The following KLHL12 variants were observed in gnomAD, a reference collection of about 807,000 sequenced individuals.
The protein encoded by KLHL12 is kelch like family member 12.
KLHL12 carries 17 observed loss-of-function variants against 60.8 expected under a neutral mutation model. The ratio of observed to expected loss-of-function variants is 0.28; its 90% confidence interval spans 0.19 to 0.42. KLHL12 has a LOEUF of 0.42. Ranked by LOEUF, KLHL12 falls within the 10% of genes least tolerant of loss-of-function variation. The pLI is 1.00. For synonymous variants in KLHL12, 220 were observed against 250.9 expected (o/e 0.88, Z 1.16); for missense variants, 468 against 722.3 (o/e 0.65, Z 4.04).
Position 202,925,086 on chromosome 1 carries a change from A to T in KLHL12, c.77T>A (p.Leu26His), listed in dbSNP as rs774946172. The T allele has an allele frequency of 2.5e-6, 4 of 1,614,114 alleles. No individual in the cohort carries two copies. In the South Asian group the frequency reaches 4.4e-5, roughly 18 times the overall value. The change falls in exon 2 of 12, where the codon CTC becomes CAC. Residue 26 changes from leucine to histidine, a missense_variant. By Grantham distance (99) the Leu-to-His change is moderately conservative. Around this residue, in one of 4 missense-constraint regions of KLHL12, gnomAD observed 61 missense variants for 59.9 expected, o/e 1.02. Transcript: ENST00000367261. The stretch of plus-strand genomic sequence containing the variant: ...ATCACAGAGGGTATTGCTCTTCCTG[A>T]GGGAGTTCATTGAATTGAGGATGGA... ...AKSILNSMNS[L>H]RKSNTLCDVT...
At chr1:202,916,681 A>T (rs1660531306) in intron 4 of KLHL12, among the ~76,000 whole-genome samples, 2 of 152,192 alleles carry the variant, frequency 1.3e-5, no homozygotes, top group African/African-American at 4.8e-5. Flanking sequence ...AACAAAATAA[A>T]TCAGGAGAGA....
chr1:202,904,519 T>TA lies in KLHL12; in HGVS notation c.832+4490dup, dbSNP rs572532606. 5.3e-5 allele frequency among the ~76,000 whole-genome samples: 8 copies of TA among 152,098 alleles called. No individual in the cohort carries two copies. In the East Asian group the frequency reaches 5.8e-4, roughly 11 times the overall value. The stretch of plus-strand genomic sequence containing the variant: ...CAATACTCAAACAATCTGACTCGTG[T>TA]AAAAAAAAGCTAGTGAAAGAGTCAA... On this transcript the variant is annotated intron_variant, in intron 6 of 11. Coordinates refer to ENST00000367261, the MANE Select transcript of KLHL12 (RefSeq NM_021633.4).
chr1:202,928,274 C>CAAAA (rs368999167), upstream of KLHL12, among the ~76,000 whole-genome samples: 2 of 123,866 alleles, frequency 1.6e-5, no homozygotes, highest in Non-Finnish European at 3.2e-5. Flanking sequence ...GACTCCGTCT[C>CAAAA]AAAAAAAAAA....
chr1:202,924,698 T>G (rs534996243), intron 2 of KLHL12, among the ~76,000 whole-genome samples: 39 of 152,358 alleles, frequency 2.6e-4, no homozygotes, highest in African/African-American at 6.7e-4. Context: ...TTACTACATA[T>G]TACACTATTC....
In KLHL12 at chr1:202,911,038, G is replaced by C; in HGVS notation, c.717+16C>G. On this transcript the variant is annotated intron_variant, in intron 5 of 11. Transcript: ENST00000367261. ...TCCGTCAAGGTTTTGGATCCTGAGA[G>C]TGTTGCACTACTTACCTCAGCATCT... is the stretch of plus-strand genomic sequence containing the variant. 2 of 1,613,240 alleles carry C rather than the reference G, an allele frequency of 1.2e-6. No individual in the cohort carries two copies. The highest frequency in any genetic ancestry group is 2.2e-5 in the South Asian group (2 of 91,012).
At chr1:202,920,980 ACCTAGTT>A (rs767472065) in intron 2 of KLHL12, among the ~76,000 whole-genome samples, 45 of 152,188 alleles carry the variant, frequency 3.0e-4, no homozygotes, top group Middle Eastern at 3.4e-3. Flanking sequence ...CTCCAGGACT[ACCTAGTT>A]CCTATCATCT....
chr1:202,893,330 T>C lies in KLHL12; in HGVS notation c.1489A>G (p.Thr497Ala). 1 of 1,613,884 alleles carries C rather than the reference T, an allele frequency of 6.2e-7. No homozygotes were observed. Among genetic ancestry groups the C allele is most frequent in the Non-Finnish European group, 8.5e-7 (1 of 1,179,936 alleles). Residue 497 changes from threonine (T) to alanine (A), a missense_variant, in exon 11 of 12, where the codon ACT becomes GCT. By Grantham distance (58) the Thr-to-Ala change is moderately conservative. Around this residue, in one of 4 missense-constraint regions of KLHL12, gnomAD observed 68 missense variants for 119.8 expected, o/e 0.57. Transcript: ENST00000367261. This position sits in a 1 kb window ranked among gnomAD's most constrained non-coding sequence, Gnocchi z 4.1. ...LSSVEAYNIR[T>A]DSWTTVTSMT... ...CTGGTGACAGTTGTCCAGGAATCAG[T>C]GCGAATGTTGTATGCTTCAACGGAA...
intron 6 of KLHL12, among the ~76,000 whole-genome samples, chr1:202,905,838 T>G (rs1422491664): frequency 6.6e-6 from 1 of 151,912 alleles, no homozygotes; most frequent in Non-Finnish European, 1.5e-5. Context: ...AGAGTCTCAC[T>G]CTGTCGCCCA....
intron 1 of KLHL12, among the ~76,000 whole-genome samples, chr1:202,926,866 G>A (rs1431929129): frequency 6.6e-6 from 1 of 152,196 alleles, no homozygotes; most frequent in East Asian, 1.9e-4. Flanking sequence ...CCAGGCATAT[G>A]GCCGCCACCG....
intron 4 of KLHL12, among the ~76,000 whole-genome samples, chr1:202,917,414 T>C (rs1311134932): frequency 1.3e-5 from 2 of 148,708 alleles, no homozygotes. Context: ...GGTTTTGCCA[T>C]GTTGCCCAGG....
At position 202,927,224 on chromosome 1, in the gene KLHL12, C is replaced by G. The variant is rs990092606; in HGVS notation, c.-181G>C. Reference sequence around the variant, plus strand: ...CCGGAGGCTCTGGAGGCTCTGGAGCCGTCCGGGTCTGGCCCCTGCGGCCGC... The same window carrying G: ...CCGGAGGCTCTGGAGGCTCTGGAGCGGTCCGGGTCTGGCCCCTGCGGCCGC... On this transcript the variant is annotated 5_prime_UTR_variant, in exon 1 of 12. Transcript: ENST00000367261. 3 of 985,086 alleles carry G rather than the reference C, an allele frequency of 3.0e-6. No homozygotes were observed. Among genetic ancestry groups the G allele is most frequent in the African/African-American group, 3.5e-5 (2 of 57,172 alleles). 61.0% of individuals were successfully genotyped at this position (985,086 alleles called of 1,614,324 possible).
In KLHL12 at chr1:202,893,303, T is replaced by C; in HGVS notation, c.1516A>G (p.Met506Val). The change falls in exon 11 of 12, where the codon ATG becomes GTG. Residue 506 changes from methionine to valine, a missense_variant. Physicochemically the swap from Met to Val is conservative, Grantham distance 21. This residue lies in a region of KLHL12 where 68 missense variants were observed against 119.8 expected (regional missense o/e 0.57). Transcript: ENST00000367261. The surrounding 1 kb of genome is among the most constrained non-coding windows in gnomAD (Gnocchi z 4.1). ...CCTACATAGCATCGTGGAGTGGTCA[T>C]ACTGGTGACAGTTGTCCAGGAATCA... ...RTDSWTTVTS[M>V]TTPRCYVGAT... 6.2e-7 allele frequency: 1 copy of C among 1,613,540 alleles called. No individual in the cohort carries two copies. The highest frequency in any genetic ancestry group is 8.5e-7 in the Non-Finnish European group (1 of 1,179,950).
intron 6 of KLHL12, among the ~76,000 whole-genome samples, chr1:202,904,165 C>T (rs555172853): frequency 1.3e-5 from 2 of 151,854 alleles, no homozygotes; most frequent in African/African-American, 4.8e-5. Flanking sequence ...CCACCAAGCC[C>T]GGCTAATTTT....
chr1:202,907,475 G>A (rs1374138813), intron 6 of KLHL12, among the ~76,000 whole-genome samples: 3 of 151,596 alleles, frequency 2.0e-5, no homozygotes, highest in African/African-American at 7.3e-5. Flanking sequence ...GGTGGCAGTC[G>A]CCTGTTGTCC....
At chr1:202,925,248 C>A in intron 1 of KLHL12, 41 bp from the exon 2 acceptor site, 2 of 1,573,564 alleles carry the variant, frequency 1.3e-6, no homozygotes, top group Non-Finnish European at 8.6e-7. Flanking sequence ...ATTCAAAGAA[C>A]TAGGGCAACT....
chr1:202,911,191 C>T lies in KLHL12; in HGVS notation c.580G>A (p.Glu194Lys). 1 of 1,614,102 alleles carries T rather than the reference C, an allele frequency of 6.2e-7. No individual in the cohort carries two copies. Among genetic ancestry groups the T allele is most frequent in the Non-Finnish European group, 8.5e-7 (1 of 1,179,996 alleles). ...KCDEIQVDSE[E>K]PVFEAVINWV... ...TTGATGACAGCCTCAAAGACTGGCTCTTCAGAATCCACCTGTAAATGTATA... is the reference window on the plus strand; with the variant it reads ...TTGATGACAGCCTCAAAGACTGGCTTTTCAGAATCCACCTGTAAATGTATA... The change falls in exon 5 of 12, where the codon GAG (glutamate) becomes AAG (lysine). Residue 194 changes from glutamate (E) to lysine (K), a missense_variant. Transcript: ENST00000367261.
chr1:202,892,011 C>G lies in KLHL12; in HGVS notation c.*522G>C, dbSNP rs1259155533. 1 of 150,984 alleles carries G rather than the reference C, an allele frequency of 6.6e-6. No individual in the cohort carries two copies. Among genetic ancestry groups the G allele is most frequent in the African/African-American group, 2.4e-5 (1 of 41,062 alleles). 9.4% of individuals were successfully genotyped at this position (150,984 alleles called of 1,614,324 possible). A position where few individuals can be genotyped will look rare whatever the true frequency, so the allele number is the denominator to read the frequency against. ...TCCCCAAAGTTTTGTGGGGCTCTCC[C>G]TTTTGTTTCCCTCTAGAATGGAACT... On this transcript the variant is annotated 3_prime_UTR_variant, in exon 12 of 12. Coordinates refer to ENST00000367261, the MANE Select transcript of KLHL12 (RefSeq NM_021633.4).
intron 6 of KLHL12, among the ~76,000 whole-genome samples, chr1:202,907,189 T>G (rs930734679): frequency 6.6e-6 from 1 of 152,210 alleles, no homozygotes; most frequent in Non-Finnish European, 1.5e-5. Context: ...AAAGTTCTCT[T>G]TTTAAAAAAA....
Position 202,895,457 on chromosome 1 carries a change from A to C in KLHL12, c.1135+65T>G. 7.4e-7 allele frequency: 1 copy of C among 1,359,958 alleles called. No individual in the cohort carries two copies. The highest frequency in any genetic ancestry group is 1.0e-6 in the Non-Finnish European group (1 of 977,638). The allele number at this position is 1,359,958 out of a possible 1,614,324, so 84.2% of individuals were successfully genotyped here. On this transcript the variant is annotated intron_variant, in intron 8 of 11. Coordinates refer to ENST00000367261, the MANE Select transcript of KLHL12 (RefSeq NM_021633.4). The surrounding 1 kb of genome is among the most constrained non-coding windows in gnomAD (Gnocchi z 4.2). ...TTTCATGCTCCTGCCAGACAACAGG[A>C]GAGGTTAAAAACCCTGGTCCAGCCA...
Sources: gnomAD v4.1 joint callset for allele counts (sites outside exome capture counted in the v4.1 genomes callset) on GRCh38, gnomAD v4.1.1 for gene constraint, gnomAD v4.1.1 regional missense constraint, Gnocchi (gnomAD v3.1) non-coding constraint, MANE v1.5 for transcripts, NCBI Gene and HGNC (gene_info 2026-07-23, HGNC 2026-07-21) for gene names.